Variants in EXTL1 observed in about 807,000 individuals in gnomAD.
EXTL1 encodes the protein exostosin like glycosyltransferase 1.
A neutral mutation model predicts 64.6 loss-of-function variants in EXTL1; 43 were observed. That is an observed-to-expected ratio of 0.67 (90% CI 0.52 to 0.86). The LOEUF is 0.86. EXTL1 is among the 40% of genes least tolerant of loss of function. The pLI is 0.00. For missense variants in EXTL1, 766 were observed against 879.0 expected (o/e 0.87, Z 1.62); for synonymous variants, 352 against 360.5 (o/e 0.98, Z 0.27).
chr1:26,026,388 G>A (rs1209183225), intron 1 of EXTL1, among the ~76,000 whole-genome samples: 1 of 150,676 alleles, frequency 6.6e-6, no homozygotes, highest in Non-Finnish European at 1.5e-5. Context: ...CCACTTCCTG[G>A]GTTCAAGCGA....
rs146998386 is a variant in EXTL1, at chr1:26,029,265, G to A, written c.852G>A (p.Ser284=). The A allele has an allele frequency of 2.4e-3, 3,841 of 1,613,692 alleles. 15 individuals carry two copies. The highest frequency in any genetic ancestry group is 2.4e-3 in the Non-Finnish European group (2,794 of 1,179,796). Residue 284 remains serine, a synonymous_variant, in exon 2 of 11, where the codon TCG becomes TCA. Coordinates refer to ENST00000374280, the MANE Select transcript of EXTL1 (RefSeq NM_004455.3). ...LISGHRPEAA[S]RFLQALQAGC... is the part of the protein sequence containing the mutation. ...CTGGCCACCGTCCCGAGGCTGCCTC[G>A]CGCTTCCTCCAAGCCCTGCAGGTAC...
chr1:26,029,313 A>G (rs1323181225), intron 2 of EXTL1, 27 bp downstream of exon 2: 3 of 1,573,862 alleles, frequency 1.9e-6, no homozygotes, highest in African/African-American at 1.3e-5. Context: ...AGCATCACCC[A>G]TCCTCTGTCC....
Position 26,033,089 on chromosome 1 carries a change from C to A in EXTL1, c.1432-140C>A. 1.6e-6 allele frequency: 1 copy of A among 619,990 alleles called. No homozygotes were observed. Among genetic ancestry groups the A allele is most frequent in the Non-Finnish European group, 2.9e-6 (1 of 344,678 alleles). The allele number at this position is 619,990 out of a possible 1,614,324, so 38.4% of individuals were successfully genotyped here. ...CTGCACAGGCTTGCCATATTTGAGG[C>A]CCAGGCGTCTACACTGTGCCTGAAG... On this transcript the variant is annotated intron_variant, in intron 7 of 10. Coordinates refer to ENST00000374280, the MANE Select transcript of EXTL1 (RefSeq NM_004455.3). The surrounding 1 kb of genome is among the most constrained non-coding windows in gnomAD (Gnocchi z 5.1).
In EXTL1 at chr1:26,034,150, G is replaced by A. The variant is rs1055886227; in HGVS notation, c.1679+294G>A. Among the ~76,000 whole-genome samples the A allele has an allele frequency of 3.9e-5, 6 of 152,226 alleles. No homozygotes were observed. The highest frequency in any genetic ancestry group is 1.4e-4 in the African/African-American group (6 of 41,454). Reference sequence around the variant, plus strand: ...GTTATTTGAAGTAGAGCCATGCAGTGAGTAAGGGCAGTGTGTGGGTTTGCT... The same window carrying A: ...GTTATTTGAAGTAGAGCCATGCAGTAAGTAAGGGCAGTGTGTGGGTTTGCT... On this transcript the variant is annotated intron_variant, in intron 9 of 10. Coordinates refer to ENST00000374280, the MANE Select transcript of EXTL1 (RefSeq NM_004455.3). This position sits in a 1 kb window ranked among gnomAD's most constrained non-coding sequence, Gnocchi z 4.6.
chr1:26,032,346 C>T (rs376944849), intron 6 of EXTL1, 50 bp from the exon 7 acceptor site: 15 of 1,346,392 alleles, frequency 1.1e-5, no homozygotes, highest in African/African-American at 2.9e-5. Context: ...CCTCGCAACC[C>T]GCCTTCTGCC....
Position 26,036,348 on chromosome 1 carries a change from G to A in EXTL1, c.*1001G>A, listed in dbSNP as rs2050340664. ...GCAGGGACTGTCCCGAGCGGTATAGGTGAGAATGGAGTTGGGGGGGGACAC... is the reference window on the plus strand; with the variant it reads ...GCAGGGACTGTCCCGAGCGGTATAGATGAGAATGGAGTTGGGGGGGGACAC... On this transcript the variant is annotated 3_prime_UTR_variant, in exon 11 of 11. Transcript: ENST00000374280. This position sits in a 1 kb window ranked among gnomAD's most constrained non-coding sequence, Gnocchi z 5.2. 1.3e-5 allele frequency: 2 copies of A among 151,766 alleles called. No individual in the cohort carries two copies. Among genetic ancestry groups the A allele is most frequent in the African/African-American group, 4.9e-5 (2 of 40,862 alleles). The allele number at this position is 151,766 out of a possible 1,614,324, so 9.4% of individuals were successfully genotyped here.
chr1:26,022,505 G>T lies in EXTL1; in HGVS notation c.-142G>T. 1.5e-6 allele frequency: 1 copy of T among 678,730 alleles called. No individual in the cohort carries two copies. The allele number at this position is 678,730 out of a possible 1,614,324, so 42.0% of individuals were successfully genotyped here. A position where few individuals can be genotyped will look rare whatever the true frequency, so the allele number is the denominator to read the frequency against. ...CTTAGACAGGCGGCCTGGTCTCGAT[G>T]GGCCTCAGTCTTCCCATCTGTACAA... On this transcript the variant is annotated 5_prime_UTR_variant, in exon 1 of 11. It removes an upstream start codon present in the reference 5' UTR. Transcript: ENST00000374280.
chr1:26,023,433 A>C lies in EXTL1; in HGVS notation c.779+8A>C. Reference sequence around the variant, plus strand: ...AGACCCTGGACCTGGGCAGTAAGTGAACCTTTTGCCTTGGGGGCTGGATGG... The same window carrying C: ...AGACCCTGGACCTGGGCAGTAAGTGCACCTTTTGCCTTGGGGGCTGGATGG... On this transcript the variant is annotated splice_region_variant and intron_variant, in intron 1 of 10. Transcript: ENST00000374280. 1 of 1,431,464 alleles carries C rather than the reference A, an allele frequency of 7.0e-7. No homozygotes were observed. Among genetic ancestry groups the C allele is most frequent in the Non-Finnish European group, 9.2e-7 (1 of 1,088,132 alleles). The allele number at this position is 1,431,464 out of a possible 1,614,324, so 88.7% of individuals were successfully genotyped here.
At position 26,032,401 on chromosome 1, in the gene EXTL1, G is replaced by A; in HGVS notation, c.1347G>A (p.Leu449=). The change falls in exon 7 of 11, where the codon TTG becomes TTA. Residue 449 remains leucine (L), a synonymous_variant. Transcript: ENST00000374280. ...VAGSQHCAQI[L]VLWSNERPLP... ...AACAACCCCCTATCCTCTAGATCTT[G>A]GTTCTCTGGAGCAATGAGAGGCCAC... The A allele has an allele frequency of 6.4e-7, 1 of 1,555,448 alleles. No individual in the cohort carries two copies.
chr1:26,034,979 A>G lies in EXTL1; in HGVS notation c.1823A>G (p.Lys608Arg), dbSNP rs931872429. The stretch of plus-strand genomic sequence containing the variant: ...CCCCCTATCAAGGTGCCCTATGGCA[A>G]GCAGCGCCAGGAGGCTGCTCCACTG... ...KLPPIKVPYG[K>R]QRQEAAPLAP... Residue 608 changes from lysine to arginine, a missense_variant, in exon 10 of 11, where the codon AAG becomes AGG. This residue lies in a region of EXTL1 where 194 missense variants were observed against 214.5 expected (regional missense o/e 0.90). Transcript: ENST00000374280. The surrounding 1 kb of genome is among the most constrained non-coding windows in gnomAD (Gnocchi z 4.6). The G allele has an allele frequency of 6.2e-7, 1 of 1,614,086 alleles. No homozygotes were observed. The highest frequency in any genetic ancestry group is 1.3e-5 in the African/African-American group (1 of 74,942).
rs1421305408 is a variant in EXTL1, at chr1:26,032,509, A to G, written c.1431+24A>G. 5.9e-6 allele frequency: 9 copies of G among 1,535,290 alleles called. No homozygotes were observed. The Admixed American group carries it at 1.8e-4, about 30-fold the overall frequency. On this transcript the variant is annotated intron_variant, in intron 7 of 10. Coordinates refer to ENST00000374280, the MANE Select transcript of EXTL1 (RefSeq NM_004455.3). The stretch of plus-strand genomic sequence containing the variant: ...AGGTAAGGGATGAGGAGAGCCATGA[A>G]AGGGGTGGGCCCATGCTGGGAGCTG...
intron 5 of EXTL1, 41 bp downstream of exon 5, chr1:26,031,305 C>T: frequency 6.2e-7 from 1 of 1,600,394 alleles, no homozygotes; most frequent in Non-Finnish European, 8.5e-7. Flanking sequence ...CCCCTCAGCT[C>T]TACCCAGGGC....
intron 6 of EXTL1, among the ~76,000 whole-genome samples, chr1:26,031,780 T>C (rs1414267681): frequency 6.6e-6 from 1 of 152,234 alleles, no homozygotes; most frequent in African/African-American, 2.4e-5. Flanking sequence ...CAGATGTCTC[T>C]TGGGGAGGCT....
Position 26,025,885 on chromosome 1 carries a change from G to T in EXTL1, c.779+2460G>T, listed in dbSNP as rs1001154204. ...GGCATGCTTCAAAGTCCCCCAGGCT[G>T]TATCCATTGGGAACAAGGGGCACAG... On this transcript the variant is annotated intron_variant, in intron 1 of 10. Coordinates refer to ENST00000374280, the MANE Select transcript of EXTL1 (RefSeq NM_004455.3). This position sits in a 1 kb window ranked among gnomAD's most constrained non-coding sequence, Gnocchi z 5.3. 5.9e-5 allele frequency among the ~76,000 whole-genome samples: 9 copies of T among 152,134 alleles called. No individual in the cohort carries two copies. Among genetic ancestry groups the T allele is most frequent in the African/African-American group, 2.2e-4 (9 of 41,414 alleles).
chr1:26,022,885 G>A lies in EXTL1; in HGVS notation c.239G>A (p.Cys80Tyr). The A allele has an allele frequency of 6.2e-7, 1 of 1,614,030 alleles. No homozygotes were observed. The change falls in exon 1 of 11, where the codon TGC becomes TAC. Residue 80 changes from cysteine to tyrosine, a missense_variant. Cys to Tyr is a radical substitution (Grantham distance 194). Coordinates refer to ENST00000374280, the MANE Select transcript of EXTL1 (RefSeq NM_004455.3). Reference sequence around the variant, plus strand: ...CCTCAAGCCCCTCATGGTGGCAGCTGCAACTGGGAATCTTGCTTTGATACC... The same window carrying A: ...CCTCAAGCCCCTCATGGTGGCAGCTACAACTGGGAATCTTGCTTTGATACC... ...SPPQAPHGGS[C>Y]NWESCFDTSK...
rs2050160840 is a variant in EXTL1 at position 26,022,446 on chromosome 1, C to T, written c.-201C>T. The T allele has an allele frequency of 1.9e-6, 1 of 527,422 alleles. No homozygotes were observed. The highest frequency in any genetic ancestry group is 3.4e-6 in the Non-Finnish European group (1 of 296,156). 32.7% of individuals were successfully genotyped at this position (527,422 alleles called of 1,614,324 possible). ...GCCAGCAAGCTGGGTCCCACCTGGC[C>T]TCCTCCTGCCTGGCTGGTGACTCAC... On this transcript the variant is annotated 5_prime_UTR_variant, in exon 1 of 11. Coordinates refer to ENST00000374280, the MANE Select transcript of EXTL1 (RefSeq NM_004455.3).
Position 26,032,383 on chromosome 1 carries a change from C to T in EXTL1, c.1342-13C>T, listed in dbSNP as rs1288155677. 1.9e-6 allele frequency: 3 copies of T among 1,548,048 alleles called. No homozygotes were observed. Among genetic ancestry groups the T allele is most frequent in the Admixed American group, 2.0e-5 (1 of 51,152 alleles). ...CAGATCCCAGACTTCAAGAACAACC[C>T]CCTATCCTCTAGATCTTGGTTCTCT... On this transcript the variant is annotated splice_polypyrimidine_tract_variant and intron_variant, in intron 6 of 10. Coordinates refer to ENST00000374280, the MANE Select transcript of EXTL1 (RefSeq NM_004455.3).
chr1:26,027,335 C>T (rs564075453), intron 1 of EXTL1, among the ~76,000 whole-genome samples: 32 of 152,308 alleles, frequency 2.1e-4, no homozygotes, highest in African/African-American at 7.5e-4. Context: ...GAGATAATAA[C>T]AGTGCATACC....
At position 26,030,548 on chromosome 1, in the gene EXTL1, G is replaced by T. The variant is rs1337829048; in HGVS notation, c.1054G>T (p.Asp352Tyr). ...GCGTCAGCAGACCCAGTTTCTATGG[G>T]ATGCCTACTTCTCCTCAGTGGAGAA... Reference protein sequence around the residue: ...ALRQQTQFLWDAYFSSVEKVI... With the variant: ...ALRQQTQFLWYAYFSSVEKVI... The change falls in exon 4 of 11, where the codon GAT becomes TAT. Residue 352 changes from aspartate to tyrosine, a missense_variant. Around this residue, in one of 3 missense-constraint regions of EXTL1, gnomAD observed 571 missense variants for 647.6 expected, o/e 0.88. Coordinates refer to ENST00000374280, the MANE Select transcript of EXTL1 (RefSeq NM_004455.3). 6.2e-7 allele frequency: 1 copy of T among 1,613,644 alleles called. No individual in the cohort carries two copies. The highest frequency in any genetic ancestry group is 8.5e-7 in the Non-Finnish European group (1 of 1,179,966).
Sources: gnomAD v4.1 joint callset for allele counts (sites outside exome capture counted in the v4.1 genomes callset) on GRCh38, gnomAD v4.1.1 for gene constraint, gnomAD v4.1.1 regional missense constraint, Gnocchi (gnomAD v3.1) non-coding constraint, MANE v1.5 for transcripts, NCBI Gene and HGNC (gene_info 2026-07-23, HGNC 2026-07-21) for gene names.